MACF1: variants seen among roughly 807,000 people sequenced by gnomAD.
MACF1 encodes the protein microtubule-actin cross-linking factor 1.
Under a neutral mutation model 854.8 loss-of-function variants are expected in MACF1, and 193 were observed. The observed-to-expected ratio is 0.23, with a 90% confidence interval of 0.20 to 0.25. MACF1 has a LOEUF of 0.25. Ranked by LOEUF, MACF1 falls within the 10% of genes least tolerant of loss-of-function variation. The probability of loss-of-function intolerance (pLI) is 1.00; values close to 1 mark genes in which losing one functional copy is unlikely to be tolerated. For missense variants in MACF1, 7,722 were observed against 8,929.1 expected (o/e 0.86, Z 5.45); for synonymous variants, 3,185 against 3,226.7 (o/e 0.99, Z 0.44).
intron 21 of MACF1, 60 bp downstream of exon 21, chr1:39,297,805 G>A: frequency 6.3e-7 from 1 of 1,591,172 alleles, no homozygotes; most frequent in Non-Finnish European, 8.6e-7. Flanking sequence ...CATATCAGCT[G>A]CTGCTGTTTA....
At chr1:39,368,898 A>C (rs1005358182) in intron 50 of MACF1, among the ~76,000 whole-genome samples, 1 of 152,108 alleles carries the variant, frequency 6.6e-6, no homozygotes, top group Non-Finnish European at 1.5e-5. Flanking sequence ...AACAGAACAA[A>C]TTTGAGGCAG....
At chr1:39,273,456 A>G (rs1266277620) in intron 6 of MACF1, among the ~76,000 whole-genome samples, 1 of 152,036 alleles carries the variant, frequency 6.6e-6, no homozygotes, top group Admixed American at 6.6e-5. Flanking sequence ...TCCCTCTCCC[A>G]GTTTTCCTTT....
intron 2 of MACF1, among the ~76,000 whole-genome samples, chr1:39,144,376 C>A (rs2148188347): frequency 6.6e-6 from 1 of 152,080 alleles, no homozygotes; most frequent in South Asian, 2.1e-4. Flanking sequence ...CCACCGCCCC[C>A]AGCTGGAAAT....
rs1168430369 is a variant in MACF1, at chr1:39,370,121, A to G, written c.13030A>G (p.Ser4344Gly). The G allele has an allele frequency of 1.9e-6, 3 of 1,614,112 alleles. No homozygotes were observed. Among genetic ancestry groups the G allele is most frequent in the Non-Finnish European group, 2.5e-6 (3 of 1,179,946 alleles). Residue 4344 changes from serine (S) to glycine (G), a missense_variant, in exon 51 of 101, where the codon AGT becomes GGT. By Grantham distance (56) the Ser-to-Gly change is moderately conservative. Around this residue, in one of 15 missense-constraint regions of MACF1, gnomAD observed 2,807 missense variants for 3,235.8 expected, o/e 0.87. Transcript: ENST00000564288. ...GAAATGGTTGAAAGAAACTGAAGGG[A>G]GTATTCCACCTACGGAAACTTCTAT... ...FQKWLKETEG[S>G]IPPTETSMSA...
At chr1:39,106,573 T>C (rs1202983581) in intron 2 of MACF1, among the ~76,000 whole-genome samples, 1 of 152,188 alleles carries the variant, frequency 6.6e-6, no homozygotes, top group Non-Finnish European at 1.5e-5. Flanking sequence ...TTGCTTTGGC[T>C]GGCAGTTATG....
At chr1:39,109,659 A>G (rs1642344424) in intron 2 of MACF1, among the ~76,000 whole-genome samples, 1 of 150,550 alleles carries the variant, frequency 6.6e-6, no homozygotes. Flanking sequence ...AAAAACGTTG[A>G]TTTATATCTT....
intron 6 of MACF1, among the ~76,000 whole-genome samples, chr1:39,271,512 A>G (rs539641829): frequency 6.6e-5 from 10 of 152,322 alleles, no homozygotes; most frequent in African/African-American, 2.4e-4. Flanking sequence ...ATTACAATTC[A>G]ACATGAGATT....
In MACF1 at chr1:39,334,405, A is replaced by G. The variant is rs767817148; in HGVS notation, c.7817A>G (p.Asn2606Ser). Residue 2606 changes from asparagine (N) to serine (S), a missense_variant, in exon 37 of 101, where the codon AAT (asparagine) becomes AGT (serine). By Grantham distance (46) the Asn-to-Ser change is conservative. This residue lies in a region of MACF1 where 1,531 missense variants were observed against 1,601.6 expected (regional missense o/e 0.96). Transcript: ENST00000564288. ...AEAKKEGLLT[N>S]EAVLSPGMMH... ...GCTAAAAAAGAAGGACTGTTAACTA[A>G]TGAAGCAGTATTGTCTCCAGGAATG... is the stretch of plus-strand genomic sequence containing the variant. 1 of 1,614,092 alleles carries G rather than the reference A, an allele frequency of 6.2e-7. No individual in the cohort carries two copies. Among genetic ancestry groups the G allele is most frequent in the Non-Finnish European group, 8.5e-7 (1 of 1,179,952 alleles).
chr1:39,084,239 G>C lies in MACF1; in HGVS notation c.21G>C (p.Glu7Asp), dbSNP rs781379593. Reference sequence around the variant, plus strand: ...GGGCCATGTCTTCCTCAGATGAAGAGACGCTCAGTGAGCGGTCATGTCGGA... The same window carrying C: ...GGGCCATGTCTTCCTCAGATGAAGACACGCTCAGTGAGCGGTCATGTCGGA... Residue 7 changes from glutamate (E) to aspartate (D), a missense_variant, in exon 2 of 94, where the codon GAG becomes GAC. Physicochemically the swap from Glu to Asp is conservative, Grantham distance 45 (BLOSUM62 2). Transcript: ENST00000361689. This position sits in a 1 kb window ranked among gnomAD's most constrained non-coding sequence, Gnocchi z 5.2. 1 of 1,611,840 alleles carries C rather than the reference G, an allele frequency of 6.2e-7. No homozygotes were observed. Among genetic ancestry groups the C allele is most frequent in the Non-Finnish European group, 8.5e-7 (1 of 1,179,338 alleles).
intron 35 of MACF1, among the ~76,000 whole-genome samples, chr1:39,326,888 A>G (rs2148461439): frequency 6.6e-6 from 1 of 152,310 alleles, no homozygotes; most frequent in Non-Finnish European, 1.5e-5. Flanking sequence ...AGGTAGAGTT[A>G]TAATCATATA....
chr1:39,462,410 A>G (rs112579533), intron 93 of MACF1, among the ~76,000 whole-genome samples: 1,825 of 152,264 alleles, frequency 0.012, 31 homozygotes, highest in African/African-American at 0.041. Context: ...TGTAGCATTT[A>G]AGGGTTGAAA....
intron 2 of MACF1, among the ~76,000 whole-genome samples, chr1:39,102,322 C>G (rs1472828759): frequency 6.6e-6 from 1 of 152,006 alleles, no homozygotes; most frequent in Non-Finnish European, 1.5e-5. Context: ...AGACGACAAA[C>G]AGTCTCAGCC....
At chr1:39,123,686 C>T (rs530310646) in intron 2 of MACF1, among the ~76,000 whole-genome samples, 13 of 147,934 alleles carry the variant, frequency 8.8e-5, no homozygotes, top group African/African-American at 3.0e-4. Flanking sequence ...ACTACAGGCT[C>T]GTGCCACCAT....
chr1:39,335,884 G>A lies in MACF1; in HGVS notation c.9296G>A (p.Ser3099Asn), dbSNP rs769119415. The A allele has an allele frequency of 2.0e-5, 32 of 1,613,954 alleles. No homozygotes were observed. The highest frequency in any genetic ancestry group is 1.5e-4 in the South Asian group (14 of 91,080). Residue 3099 changes from serine (S) to asparagine (N), a missense_variant, in exon 37 of 101, where the codon AGT becomes AAT. By Grantham distance (46) the Ser-to-Asn change is conservative. Around this residue, in one of 15 missense-constraint regions of MACF1, gnomAD observed 854 missense variants for 852.6 expected, o/e 1.00. Transcript: ENST00000564288. ...LSREIACGAQ[S>N]EPFPCMTPRP... ...CGAGAAATTGCCTGTGGGGCCCAGA[G>A]TGAACCATTCCCTTGTATGACCCCA... is the stretch of plus-strand genomic sequence containing the variant.
intron 61 of MACF1, among the ~76,000 whole-genome samples, chr1:39,425,263 C>A: frequency 6.6e-6 from 1 of 152,040 alleles, no homozygotes. Context: ...TCCCACTCTC[C>A]CCTCAGTTCA....
At chr1:39,410,001 A>C (rs1642915425) in intron 58 of MACF1, 2 of 366,148 alleles carry the variant, frequency 5.5e-6, no homozygotes, top group East Asian at 8.3e-5. Flanking sequence ...AAAAAATTAA[A>C]CCATAAGCCA....
At chr1:39,312,950 C>A (rs1646331901) in intron 26 of MACF1, among the ~76,000 whole-genome samples, 1 of 152,112 alleles carries the variant, frequency 6.6e-6, no homozygotes, top group African/African-American at 2.4e-5. Flanking sequence ...CCCTAGCTAC[C>A]CCAAGAAGGA....
intron 15 of MACF1, among the ~76,000 whole-genome samples, chr1:39,289,693 CTTTTTTTTTTTTT>C (rs58188740): frequency 3.4e-3 from 99 of 28,976 alleles, no homozygotes; most frequent in African/African-American, 7.9e-3. Context: ...GTGGGTTGTC[CTTTTTTTTTTTTT>C]TTTTTTTTTT....
chr1:39,290,469 C>T (rs1393810775), intron 15 of MACF1, among the ~76,000 whole-genome samples: 2 of 151,960 alleles, frequency 1.3e-5, no homozygotes, highest in African/African-American at 4.8e-5. Context: ...TAATGTGATT[C>T]CTCCAGTTTT....
Sources: gnomAD v4.1 joint callset for allele counts (sites outside exome capture counted in the v4.1 genomes callset) on GRCh38, gnomAD v4.1.1 for gene constraint, gnomAD v4.1.1 regional missense constraint, Gnocchi (gnomAD v3.1) non-coding constraint, MANE v1.5 for transcripts, NCBI Gene and HGNC (gene_info 2026-07-23, HGNC 2026-07-21) for gene names.